The following RADIL variants were observed in gnomAD, a reference collection of about 807,000 sequenced individuals.
RADIL encodes ras-associating and dilute domain-containing protein.
Under a neutral mutation model 97.6 loss-of-function variants are expected in RADIL, and 99 were observed. The ratio of observed to expected loss-of-function variants is 1.01; its 90% CI spans 0.86 to 1.20. The LOEUF (loss-of-function observed/expected upper bound fraction) is 1.20, where lower values mean the gene tolerates loss of function less well. Among genes scored for constraint, RADIL ranks in the 50% most tolerant of loss-of-function variants. The pLI is 0.00. For missense variants in RADIL, 1,765 were observed against 1,498.9 expected (o/e 1.18, Z -2.93); for synonymous variants, 803 against 691.8 (o/e 1.16, Z -2.52).
chr7:4,805,391 G>T, intron 10 of RADIL, 175 bp downstream of exon 10: 1 of 700,476 alleles, frequency 1.4e-6, no homozygotes, highest in Non-Finnish European at 2.1e-6. Context: ...GGATCCCCAG[G>T]TTGGGGATGG....
At chr7:4,864,467 C>G (rs764105494) in intron 2 of RADIL, among the ~76,000 whole-genome samples, 7 of 152,246 alleles carry the variant, frequency 4.6e-5, no homozygotes, top group Non-Finnish European at 8.8e-5. Flanking sequence ...TAATCAGACT[C>G]TCTTCTGAAC....
chr7:4,841,726 A>C (rs531180893), intron 2 of RADIL, among the ~76,000 whole-genome samples: 1 of 152,118 alleles, frequency 6.6e-6, no homozygotes, highest in Non-Finnish European at 1.5e-5. Flanking sequence ...CTGCTAATAC[A>C]TGGGGTCCCA....
intron 2 of RADIL, among the ~76,000 whole-genome samples, chr7:4,845,068 G>A (rs1216386689): frequency 6.6e-6 from 1 of 151,868 alleles, no homozygotes. Context: ...AAAGAAGCGA[G>A]AGGTGTCCTG....
rs7799814 is a variant in RADIL, at chr7:4,842,919, T to C, written c.536-6314A>G. Among the ~76,000 whole-genome samples the C allele has an allele frequency of 0.54, 82,474 of 151,636 alleles. 23,796 individuals are homozygous for C. The highest frequency in any genetic ancestry group is 0.74 in the African/African-American group (30,706 of 41,316). On this transcript the variant is annotated intron_variant, in intron 2 of 14. Coordinates refer to ENST00000399583, the MANE Select transcript of RADIL (RefSeq NM_018059.5). This position sits in a 1 kb window ranked among gnomAD's most constrained non-coding sequence, Gnocchi z 4.5. ...GGATTCACAGGCGTGGTCACCATAA[T>C]ACCCTGCAGCCTCGAAATTCTGGCC...
In RADIL at chr7:4,813,953, T is replaced by C. The variant is rs1314200278; in HGVS notation, c.2139+1325A>G. ...CTTCTCAGGAGTCAGATTGCTTTTT[T>C]CTTTTTTGTAGAGATGGGGTCTCGC... On this transcript the variant is annotated intron_variant, in intron 9 of 14. Coordinates refer to ENST00000399583, the MANE Select transcript of RADIL (RefSeq NM_018059.5). This position sits in a 1 kb window ranked among gnomAD's most constrained non-coding sequence, Gnocchi z 5.0. Among the ~76,000 whole-genome samples the C allele has an allele frequency of 2.6e-5, 4 of 152,200 alleles. No individual in the cohort carries two copies. The highest frequency in any genetic ancestry group is 7.2e-5 in the African/African-American group (3 of 41,446).
intron 9 of RADIL, chr7:4,809,197 G>A: frequency 1.0e-6 from 1 of 985,316 alleles, no homozygotes; most frequent in African/African-American, 1.7e-5. Context: ...TCCCCGGGCT[G>A]TCACTGCCGA....
At chr7:4,809,390 G>A in intron 9 of RADIL, 1 of 985,420 alleles carries the variant, frequency 1.0e-6, no homozygotes, top group Non-Finnish European at 1.2e-6. Flanking sequence ...GGGAGGCGGA[G>A]ATCCTGAGTG....
At position 4,836,524 on chromosome 7, in the gene RADIL, G is replaced by C. The variant is rs777510897; in HGVS notation, c.617C>G (p.Ser206Cys). The change falls in exon 3 of 15, where the codon TCT becomes TGT. Residue 206 changes from serine to cysteine, a missense_variant. Transcript: ENST00000399583. ...PTPALGDARS[S>C]PPPRLRRTVS... The stretch of plus-strand genomic sequence containing the variant: ...TGTGCGGCGCAACCGGGGTGGAGGA[G>C]AGCTCCGGGCATCCCCCAGGGCCGG... 1.2e-6 allele frequency: 2 copies of C among 1,607,378 alleles called. No individual in the cohort carries two copies. Among genetic ancestry groups the C allele is most frequent in the African/African-American group, 2.7e-5 (2 of 74,856 alleles).
intron 2 of RADIL, among the ~76,000 whole-genome samples, chr7:4,846,442 G>A (rs893749359): frequency 6.6e-6 from 1 of 152,052 alleles, no homozygotes; most frequent in African/African-American, 2.4e-5. Context: ...ACCGCGCCCG[G>A]CCCTATTGCT....
At chr7:4,800,408 G>A (rs1782042996) in intron 12 of RADIL, 98 bp from the exon 13 acceptor site, 25 of 1,264,902 alleles carry the variant, frequency 2.0e-5, no homozygotes, top group Non-Finnish European at 2.6e-5. Context: ...GGGCGTCAGG[G>A]ATGGGATGGC....
intron 5 of RADIL, among the ~76,000 whole-genome samples, chr7:4,831,873 C>CAAACAAAACA (rs3031281): frequency 1.7e-4 from 26 of 151,716 alleles, no homozygotes; most frequent in Middle Eastern, 3.4e-3. Context: ...GGCGATAGAG[C>CAAACAAAACA]AAACAAAACA....
At chr7:4,827,192 C>A (rs1783006484) in intron 5 of RADIL, among the ~76,000 whole-genome samples, 1 of 151,896 alleles carries the variant, frequency 6.6e-6, no homozygotes, top group Non-Finnish European at 1.5e-5. Context: ...TGGTGAAACC[C>A]CGTCTTTACT....
rs896563537 is a variant in RADIL, at chr7:4,817,143, C to T, written c.1728+96G>A. 3.7e-6 allele frequency: 4 copies of T among 1,093,562 alleles called. No homozygotes were observed. The highest frequency in any genetic ancestry group is 4.9e-5 in the East Asian group (2 of 40,872). 67.7% of individuals were successfully genotyped at this position (1,093,562 alleles called of 1,614,324 possible). A position where few individuals can be genotyped will look rare whatever the true frequency, so the allele number is the denominator to read the frequency against. ...CTTGTCACGGTCCCCTCCCTCAGCC[C>T]CCCAGAAGGCTCCTTAGGAGAGCCA... On this transcript the variant is annotated intron_variant, in intron 7 of 14. Transcript: ENST00000399583. The surrounding 1 kb of genome is among the most constrained non-coding windows in gnomAD (Gnocchi z 8.3).
In RADIL at chr7:4,801,748, T is replaced by G; in HGVS notation, c.2747A>C (p.Asp916Ala). 1 of 1,610,244 alleles carries G rather than the reference T, an allele frequency of 6.2e-7. No individual in the cohort carries two copies. Among genetic ancestry groups the G allele is most frequent in the Non-Finnish European group, 8.5e-7 (1 of 1,179,050 alleles). ...PSTPLGPEPG[D>A]PDWPESGGPC... is the part of the protein sequence containing the mutation. ...GCCGCCGGACTCTGGCCAGTCGGGG[T>G]CCCCAGGCTCAGGGCCAAGTGGAGT... The change falls in exon 12 of 15, where the codon GAC becomes GCC. Residue 916 changes from aspartate (D) to alanine (A), a missense_variant. Coordinates refer to ENST00000399583, the MANE Select transcript of RADIL (RefSeq NM_018059.5).
intron 2 of RADIL, among the ~76,000 whole-genome samples, chr7:4,865,053 C>T (rs918690931): frequency 6.6e-6 from 1 of 152,242 alleles, no homozygotes; most frequent in Non-Finnish European, 1.5e-5. Flanking sequence ...TTCATTCTCT[C>T]TCATCCCTGG....
chr7:4,805,704 C>T lies in RADIL; in HGVS notation c.2152G>A (p.Ala718Thr), dbSNP rs944310651. The change falls in exon 10 of 15, where the codon GCC becomes ACC. Residue 718 changes from alanine (A) to threonine (T), a missense_variant. Ala to Thr is a moderately conservative substitution (Grantham distance 58, BLOSUM62 0). Transcript: ENST00000399583. Reference sequence around the variant, plus strand: ...AGTGCGGGGAACGCAGCCCGCAGGGCTGTCCAGCTCATCTGGGTGACAAGA... The same window carrying T: ...AGTGCGGGGAACGCAGCCCGCAGGGTTGTCCAGCTCATCTGGGTGACAAGA... ...RAQLIQMSWT[A>T]LRAAFPALSP... 7.5e-6 allele frequency: 12 copies of T among 1,608,846 alleles called. No homozygotes were observed. Among genetic ancestry groups the T allele is most frequent in the East Asian group, 4.5e-5 (2 of 44,840 alleles).
In RADIL at chr7:4,842,508, G is replaced by C. The variant is rs535131117; in HGVS notation, c.536-5903C>G. On this transcript the variant is annotated intron_variant, in intron 2 of 14. Transcript: ENST00000399583. This position sits in a 1 kb window ranked among gnomAD's most constrained non-coding sequence, Gnocchi z 4.5. ...ACCCGCTGCTGGCAGAGAGGGCAGG[G>C]CTCTGCGTGCCGGGGGTGCACAGGG... Among the ~76,000 whole-genome samples, 8 of 152,284 alleles carry C rather than the reference G, an allele frequency of 5.3e-5. No individual in the cohort carries two copies. Among genetic ancestry groups the C allele is most frequent in the African/African-American group, 1.7e-4 (7 of 41,576 alleles).
chr7:4,800,285 C>T lies in RADIL; in HGVS notation c.2868G>A (p.Glu956=). Residue 956 remains glutamate, a synonymous_variant, in exon 13 of 15, where the codon GAG becomes GAA. Transcript: ENST00000399583. The part of the protein sequence containing the change: ...PEGDSAALAE[E]SPPAPSSRSS... ...TGCGGCTGGACGGGGCTGGAGGGGA[C>T]TCCTCCGCAAGGGCTGCAGAGTCTC... 2.0e-6 allele frequency: 3 copies of T among 1,509,334 alleles called. No individual in the cohort carries two copies. The highest frequency in any genetic ancestry group is 2.7e-6 in the Non-Finnish European group (3 of 1,131,152). 93.5% of individuals were successfully genotyped at this position (1,509,334 alleles called of 1,614,324 possible).
rs368848409 is a variant in RADIL, at chr7:4,860,415, C to A, written c.535+17190G>T. ...TTCACTGCTTGCCTATAAACAGTATCTGTGAAAGACTGGATATCATAGGTG... is the reference window on the plus strand; with the variant it reads ...TTCACTGCTTGCCTATAAACAGTATATGTGAAAGACTGGATATCATAGGTG... On this transcript the variant is annotated intron_variant, in intron 2 of 14. Coordinates refer to ENST00000399583, the MANE Select transcript of RADIL (RefSeq NM_018059.5). 10 of 1,613,940 alleles carry A rather than the reference C, an allele frequency of 6.2e-6. No individual in the cohort carries two copies. The African/African-American group carries it at 1.1e-4, about 17-fold the overall frequency.
Sources: gnomAD v4.1 joint callset for allele counts (sites outside exome capture counted in the v4.1 genomes callset) on GRCh38, gnomAD v4.1.1 for gene constraint, Gnocchi (gnomAD v3.1) non-coding constraint, MANE v1.5 for transcripts, NCBI Gene and HGNC (gene_info 2026-07-23, HGNC 2026-07-21) for gene names.